The following TSPEAR variants were observed in gnomAD, a reference collection of about 807,000 sequenced individuals.
TSPEAR encodes thrombospondin type laminin G domain and EAR repeats, also known as thrombospondin-type laminin G domain and EAR repeat-containing protein.
TSPEAR carries 69 observed loss-of-function variants against 71.6 expected under a neutral mutation model. That is an observed-to-expected ratio of 0.96 (90% CI 0.79 to 1.18). The LOEUF (loss-of-function observed/expected upper bound fraction) is 1.18. Among genes scored for constraint, TSPEAR ranks in the 50% most tolerant of loss-of-function variants. The probability of loss-of-function intolerance (pLI) is 0.00; values close to 1 mark genes in which losing one functional copy is unlikely to be tolerated. For missense variants in TSPEAR, 971 were observed against 894.9 expected (o/e 1.09, Z -1.09); for synonymous variants, 402 against 387.2 (o/e 1.04, Z -0.45).
chr21:44,707,188 G>A (rs28579504), intron 1 of TSPEAR, among the ~76,000 whole-genome samples: 8,666 of 152,296 alleles, frequency 0.057, 276 homozygotes, highest in Non-Finnish European at 0.069. Flanking sequence ...TTAGGACGGG[G>A]GTGACAGCCA....
At chr21:44,577,654 C>T (rs147076415) in intron 1 of TSPEAR, among the ~76,000 whole-genome samples, 3 of 152,214 alleles carry the variant, frequency 2.0e-5, no homozygotes, top group African/African-American at 7.2e-5. Flanking sequence ...GCCTCCAACA[C>T]GGGATCATGG....
chr21:44,676,231 G>A (rs1007867465), intron 1 of TSPEAR: 1 of 1,324,992 alleles, frequency 7.5e-7, no homozygotes, highest in African/African-American at 1.4e-5. Flanking sequence ...TTTTTGAACA[G>A]CATAAAAGCG....
intron 1 of TSPEAR, among the ~76,000 whole-genome samples, chr21:44,659,260 C>T (rs1299024896): frequency 3.4e-5 from 5 of 146,176 alleles, no homozygotes; most frequent in South Asian, 2.3e-4. Context: ...GGAGCAAAAG[C>T]GCTGACCTCC....
At chr21:44,574,124 T>C (rs781857472) in intron 1 of TSPEAR, 2 of 1,596,474 alleles carry the variant, frequency 1.3e-6, no homozygotes, top group African/African-American at 1.4e-5. Context: ...GCTGCAAGCC[T>C]GTGTGCTGTG....
intron 1 of TSPEAR, chr21:44,677,463 G>A (rs955744064): frequency 2.4e-6 from 2 of 844,486 alleles, no homozygotes; most frequent in Admixed American, 3.8e-5. Context: ...AAAGCTCTTG[G>A]CTAGAGACTC....
At chr21:44,596,700 T>C (rs1288672934) in intron 1 of TSPEAR, among the ~76,000 whole-genome samples, 2 of 152,222 alleles carry the variant, frequency 1.3e-5, no homozygotes, top group African/African-American at 4.8e-5. Flanking sequence ...TTTTCCAATA[T>C]AAAAAATGAT....
chr21:44,612,011 A>G lies in TSPEAR; in HGVS notation c.83-44006T>C, dbSNP rs2146174006. 2 of 1,346,654 alleles carry G rather than the reference A, an allele frequency of 1.5e-6. No homozygotes were observed. Among genetic ancestry groups the G allele is most frequent in the Admixed American group, 3.8e-5 (2 of 51,966 alleles). The allele number at this position is 1,346,654 out of a possible 1,614,324, so 83.4% of individuals were successfully genotyped here. On this transcript the variant is annotated intron_variant, in intron 1 of 11. Transcript: ENST00000323084. This position sits in a 1 kb window ranked among gnomAD's most constrained non-coding sequence, Gnocchi z 4.1. ...CTTGTGAGACTCCTGTGAGGAAAAT[A>G]CCCAGGGAGGGTATAAAACCTCAGC... is the stretch of plus-strand genomic sequence containing the variant.
At chr21:44,677,545 T>G (rs1555947118) in intron 1 of TSPEAR, 8 of 848,216 alleles carry the variant, frequency 9.4e-6, no homozygotes. Context: ...CGTTCCCTTA[T>G]AGAAGATGAG....
chr21:44,613,680 G>A (rs1396434154), intron 1 of TSPEAR, among the ~76,000 whole-genome samples: 26 of 152,128 alleles, frequency 1.7e-4, no homozygotes, highest in Admixed American at 6.5e-5. Context: ...GGGAACAAAA[G>A]CATCATGGAC....
chr21:44,551,580 G>A (rs766367887), intron 2 of TSPEAR: 238 of 1,392,134 alleles, frequency 1.7e-4, no homozygotes, highest in Non-Finnish European at 2.2e-4. Flanking sequence ...CCCAGGGCCT[G>A]TGTTTTCCCA....
chr21:44,651,621 C>A (rs782618593), intron 1 of TSPEAR, among the ~76,000 whole-genome samples: 7 of 152,280 alleles, frequency 4.6e-5, no homozygotes, highest in Middle Eastern at 3.4e-3. Context: ...GTCCTCCTCC[C>A]TCCTTCTGAT....
chr21:44,529,870 G>T lies in TSPEAR; in HGVS notation c.718C>A (p.Leu240Met), dbSNP rs782456831. ...GCCTGCAGGACCCGTGGGATGGACAGCACCGCCAGCGGGGCGTTCCTGCTG... is the reference window on the plus strand; with the variant it reads ...GCCTGCAGGACCCGTGGGATGGACATCACCGCCAGCGGGGCGTTCCTGCTG... ...CPSRNAPLAV[L>M]SIPRVLQALT... Residue 240 changes from leucine (L) to methionine (M), a missense_variant, in exon 5 of 12, where the codon CTG becomes ATG. By Grantham distance (15) the Leu-to-Met change is conservative. Transcript: ENST00000323084. 6.2e-7 allele frequency: 1 copy of T among 1,613,698 alleles called. No individual in the cohort carries two copies.
At chr21:44,702,682 G>T (rs1305160617) in intron 1 of TSPEAR, 6 of 1,539,232 alleles carry the variant, frequency 3.9e-6, no homozygotes, top group Admixed American at 3.4e-5. Context: ...TTGTGCACCC[G>T]CCTTCTCCTG....
chr21:44,571,403 C>T (rs1322299013), intron 1 of TSPEAR, among the ~76,000 whole-genome samples: 1 of 152,230 alleles, frequency 6.6e-6, no homozygotes, highest in Non-Finnish European at 1.5e-5. Flanking sequence ...CCAGCACCAA[C>T]ACGATTCTTA....
At chr21:44,599,172 C>CAATGTA (rs1372930980) in intron 1 of TSPEAR, among the ~76,000 whole-genome samples, 12,230 of 146,104 alleles carry the variant, frequency 0.084, 814 homozygotes, top group South Asian at 0.16. Context: ...CTCTCTCTCT[C>CAATGTA]CTTCCATCCC....
intron 1 of TSPEAR, chr21:44,627,527 C>CTCT: frequency 6.5e-7 from 1 of 1,536,834 alleles, no homozygotes; most frequent in Non-Finnish European, 8.8e-7. Flanking sequence ...GGGGCTTCTT[C>CTCT]GTGCTGCCAA....
At position 44,673,916 on chromosome 21, in the gene TSPEAR, A is replaced by G. The variant is rs79751919; in HGVS notation, c.82+37517T>C. The stretch of plus-strand genomic sequence containing the variant: ...ATCAAAAAATTTCTCAAAAAAAAAT[A>G]AAAAGGGAAACACGACATATCAAAA... On this transcript the variant is annotated intron_variant, in intron 1 of 11. Transcript: ENST00000323084. 8.4e-3 allele frequency among the ~76,000 whole-genome samples: 1,261 copies of G among 150,620 alleles called. 17 individuals are homozygous for G. The highest frequency in any genetic ancestry group is 0.029 in the African/African-American group (1,189 of 41,270).
intron 2 of TSPEAR, among the ~76,000 whole-genome samples, chr21:44,549,743 C>T (rs2053369045): frequency 6.6e-6 from 1 of 152,270 alleles, no homozygotes; most frequent in African/African-American, 2.4e-5. Context: ...CTCTGGTCTG[C>T]ATGTGTCCCC....
chr21:44,601,261 T>C (rs1234762745), intron 1 of TSPEAR: 3 of 1,608,816 alleles, frequency 1.9e-6, no homozygotes, highest in Admixed American at 1.7e-5. Context: ...GCAGTCTAGC[T>C]GCAAGCCGGC....
Sources: gnomAD v4.1 joint callset for allele counts (sites outside exome capture counted in the v4.1 genomes callset) on GRCh38, gnomAD v4.1.1 for gene constraint, Gnocchi (gnomAD v3.1) non-coding constraint, MANE v1.5 for transcripts, NCBI Gene and HGNC (gene_info 2026-07-23, HGNC 2026-07-21) for gene names.